TLL2: variants seen among roughly 807,000 people sequenced by gnomAD.
The protein encoded by TLL2 is tolloid like 2, also known as tolloid-like protein 2.
Under a neutral mutation model 123.0 loss-of-function variants are expected in TLL2, and 106 were observed. That is an observed-to-expected ratio of 0.86 (90% CI 0.74 to 1.01). The LOEUF (loss-of-function observed/expected upper bound fraction) is 1.01. TLL2 is among the 50% of genes least tolerant of loss of function. The probability of loss-of-function intolerance (pLI) is 0.00; values close to 1 mark genes in which losing one functional copy is unlikely to be tolerated. For missense variants in TLL2, 1,332 were observed against 1,336.7 expected, an observed-to-expected ratio of 1.00 and a Z score of 0.06; for synonymous variants, 494 against 516.8, an observed-to-expected ratio of 0.96 and a Z score of 0.60.
intron 2 of TLL2, among the ~76,000 whole-genome samples, chr10:96,478,828 G>C (rs1328752441): frequency 6.6e-6 from 1 of 152,150 alleles, no homozygotes; most frequent in Non-Finnish European, 1.5e-5. Flanking sequence ...GGAGTCTCTG[G>C]GGTCTGGAAT....
chr10:96,455,103 A>C (rs1187677726), intron 2 of TLL2, among the ~76,000 whole-genome samples: 1 of 152,172 alleles, frequency 6.6e-6, no homozygotes, highest in African/African-American at 2.4e-5. Flanking sequence ...TTAGCCAGGC[A>C]TGGTGGCGGG....
chr10:96,492,268 G>T (rs1450908674), intron 1 of TLL2, among the ~76,000 whole-genome samples: 1 of 151,766 alleles, frequency 6.6e-6, no homozygotes, highest in Non-Finnish European at 1.5e-5. Context: ...ATTGGCCAAG[G>T]TCATGCAGGC....
intron 3 of TLL2, among the ~76,000 whole-genome samples, chr10:96,442,218 G>A (rs562278772): frequency 2.0e-5 from 3 of 152,268 alleles, no homozygotes; most frequent in South Asian, 2.1e-4. Context: ...AATCCCCACC[G>A]TCAGGGCTGA....
chr10:96,451,131 T>A (rs1846955344), intron 2 of TLL2, among the ~76,000 whole-genome samples: 2 of 152,194 alleles, frequency 1.3e-5, no homozygotes, highest in Non-Finnish European at 2.9e-5. Flanking sequence ...CTATCCAGCA[T>A]TTGCAATTCA....
At chr10:96,449,665 A>G (rs1846936118) in intron 2 of TLL2, among the ~76,000 whole-genome samples, 1 of 152,114 alleles carries the variant, frequency 6.6e-6, no homozygotes, top group African/African-American at 2.4e-5. Context: ...ACCACTGATG[A>G]GACCCTTAGT....
chr10:96,388,156 C>T (rs939935814), intron 13 of TLL2, among the ~76,000 whole-genome samples: 2 of 152,176 alleles, frequency 1.3e-5, no homozygotes, highest in Admixed American at 1.3e-4. Context: ...GTAATCACAG[C>T]ACTTTGGGAG....
chr10:96,419,116 T>A (rs191182085), intron 7 of TLL2, among the ~76,000 whole-genome samples: 1 of 152,128 alleles, frequency 6.6e-6, no homozygotes, highest in Admixed American at 6.6e-5. Context: ...ATTTGCACAC[T>A]GCACTGGCGT....
chr10:96,464,550 C>T (rs1035025330), intron 2 of TLL2, among the ~76,000 whole-genome samples: 6 of 152,006 alleles, frequency 3.9e-5, no homozygotes, highest in East Asian at 1.9e-4. Context: ...TCACTTAGCA[C>T]GTGCCAGCCC....
intron 7 of TLL2, among the ~76,000 whole-genome samples, chr10:96,419,452 C>A (rs774068354): frequency 6.6e-6 from 1 of 152,162 alleles, no homozygotes; most frequent in East Asian, 1.9e-4. Context: ...TGACTAGAAC[C>A]CGGCTTCTGC....
intron 1 of TLL2, among the ~76,000 whole-genome samples, chr10:96,481,956 G>A (rs896737243): frequency 1.3e-5 from 2 of 152,204 alleles, no homozygotes; most frequent in African/African-American, 4.8e-5. Context: ...AAAACTGGAA[G>A]GTTCTCTAAA....
Position 96,432,885 on chromosome 10 carries a change from G to A in TLL2, c.442C>T (p.Arg148Ter), listed in dbSNP as rs759478862. Residue 148 changes from arginine to a stop codon, truncating the protein, a stop_gained, in exon 4 of 21, where the codon CGA becomes TGA. Coordinates refer to ENST00000357947, the MANE Select transcript of TLL2 (RefSeq NM_012465.4). LOFTEE classifies it high-confidence loss of function. Reference sequence around the variant, plus strand: ...TCTGTCCTTGAGGTTGTGGCTCTTCGGACCCGGGGAGAGAAGGTCTTGGCT... The same window carrying A: ...TCTGTCCTTGAGGTTGTGGCTCTTCAGACCCGGGGAGAGAAGGTCTTGGCT... ...AAAKTFSPRV[R>*]RATTSRTERI... The A allele has an allele frequency of 2.7e-5, 44 of 1,613,950 alleles. No homozygotes were observed. Among genetic ancestry groups the A allele is most frequent in the Non-Finnish European group, 3.4e-5 (40 of 1,180,028 alleles).
In TLL2 at chr10:96,370,151, C is replaced by T; in HGVS notation, c.2827G>A (p.Glu943Lys). 1 of 1,614,154 alleles carries T rather than the reference C, an allele frequency of 6.2e-7. No homozygotes were observed. The highest frequency in any genetic ancestry group is 8.5e-7 in the Non-Finnish European group (1 of 1,180,006). The change falls in exon 20 of 21, where the codon GAG becomes AAG. Residue 943 changes from glutamate to lysine, a missense_variant. Coordinates refer to ENST00000357947, the MANE Select transcript of TLL2 (RefSeq NM_012465.4). ...ATGTAGTCGTAGCCGCAGTCGGCCT[C>T]CTCCTCAACCTCAAAGGTCCGGAAT... The part of the protein sequence containing the change: ...LTFRTFEVEE[E>K]ADCGYDYMEA...
rs144991591 is a variant in TLL2, at chr10:96,424,357, G to T, written c.639-1630C>A. On this transcript the variant is annotated intron_variant, in intron 5 of 20. Transcript: ENST00000357947. ...ACAAAGGATAAATGCTTGAGGGGAG[G>T]GATACCCCATTCTCCATGATGTGAT... Among the ~76,000 whole-genome samples the T allele has an allele frequency of 2.4e-3, 361 of 152,146 alleles. 4 individuals carry two copies. Among genetic ancestry groups the T allele is most frequent in the Middle Eastern group, 6.8e-3 (2 of 294 alleles).
intron 4 of TLL2, among the ~76,000 whole-genome samples, chr10:96,432,402 G>T (rs1402739027): frequency 1.3e-5 from 2 of 152,152 alleles, no homozygotes; most frequent in Non-Finnish European, 2.9e-5. Context: ...AACACTGCTT[G>T]TAGGTGGTGG....
intron 1 of TLL2, among the ~76,000 whole-genome samples, chr10:96,485,979 G>GC (rs869150842): frequency 1.5e-3 from 4 of 2,728 alleles, no homozygotes; most frequent in Non-Finnish European, 3.8e-3. Context: ...GAGAGAAGCA[G>GC]GGGGTGGGAG....
At chr10:96,368,285 G>A in intron 20 of TLL2, 63 bp from the exon 21 acceptor site, 1 of 1,577,296 alleles carries the variant, frequency 6.3e-7, no homozygotes, top group East Asian at 2.2e-5. Context: ...AAAATGAGGA[G>A]GATGGGACAG....
intron 2 of TLL2, among the ~76,000 whole-genome samples, chr10:96,454,515 C>T (rs560356143): frequency 1.2e-4 from 18 of 152,358 alleles, no homozygotes; most frequent in African/African-American, 3.6e-4. Context: ...GCCAGACCTT[C>T]CCCTTAGGCA....
At chr10:96,452,104 G>A (rs1412162908) in intron 2 of TLL2, among the ~76,000 whole-genome samples, 1 of 152,270 alleles carries the variant, frequency 6.6e-6, no homozygotes, top group East Asian at 1.9e-4. Context: ...TGCAGGCAGT[G>A]CCTGCCCTCT....
intron 4 of TLL2, among the ~76,000 whole-genome samples, chr10:96,429,643 G>C (rs1386224253): frequency 1.3e-5 from 2 of 152,184 alleles, no homozygotes; most frequent in Non-Finnish European, 2.9e-5. Context: ...GTCAACTCCA[G>C]CTCACCAGCA....
Sources: gnomAD v4.1 joint callset for allele counts (sites outside exome capture counted in the v4.1 genomes callset) on GRCh38, gnomAD v4.1.1 for gene constraint, MANE v1.5 for transcripts, NCBI Gene and HGNC (gene_info 2026-07-23, HGNC 2026-07-21) for gene names.